The following KCND2 variants were observed in gnomAD, a reference collection of about 807,000 sequenced individuals.
The protein encoded by KCND2 is potassium voltage-gated channel subfamily D member 2, also known as A-type voltage-gated potassium channel KCND2.
Under a neutral mutation model 54.4 loss-of-function variants are expected in KCND2, and 16 were observed. The observed-to-expected ratio is 0.29, with a 90% CI of 0.20 to 0.45. The LOEUF is 0.45. Ranked by LOEUF, KCND2 falls within the 20% of genes least tolerant of loss-of-function variation. The pLI, the probability that KCND2 is intolerant of heterozygous loss-of-function variation, is 1.00. For missense variants in KCND2, 486 were observed against 824.2 expected (o/e 0.59, Z 5.02); for synonymous variants, 317 against 310.7 (o/e 1.02, Z -0.21).
At chr7:120,542,137 TC>T (rs1261322913) in intron 1 of KCND2, among the ~76,000 whole-genome samples, 2 of 152,172 alleles carry the variant, frequency 1.3e-5, no homozygotes, top group Non-Finnish European at 2.9e-5. Context: ...CAGGACTTTG[TC>T]CTCCAGTTTA....
intron 1 of KCND2, among the ~76,000 whole-genome samples, chr7:120,630,799 A>T (rs1484873003): frequency 6.6e-6 from 1 of 152,156 alleles, no homozygotes; most frequent in Non-Finnish European, 1.5e-5. Context: ...GAAGTTTTGC[A>T]TTTTCATTTG....
intron 1 of KCND2, among the ~76,000 whole-genome samples, chr7:120,292,317 T>C (rs1799447295): frequency 6.6e-6 from 1 of 151,916 alleles, no homozygotes; most frequent in Non-Finnish European, 1.5e-5. Context: ...GTCTTTGTCC[T>C]AACTGATATT....
chr7:120,499,284 G>A (rs954200511), intron 1 of KCND2, among the ~76,000 whole-genome samples: 5 of 152,064 alleles, frequency 3.3e-5, no homozygotes, highest in Admixed American at 2.6e-4. Flanking sequence ...AAATATATTT[G>A]TGGTTTTTTA....
At chr7:120,360,560 G>C (rs1800578493) in intron 1 of KCND2, among the ~76,000 whole-genome samples, 1 of 152,028 alleles carries the variant, frequency 6.6e-6, no homozygotes, top group South Asian at 2.1e-4. Flanking sequence ...CCAGTACTCT[G>C]TGGCTCTGTA....
chr7:120,409,205 T>C (rs1801411343), intron 1 of KCND2, among the ~76,000 whole-genome samples: 1 of 151,938 alleles, frequency 6.6e-6, no homozygotes, highest in Non-Finnish European at 1.5e-5. Context: ...TATAGCATCA[T>C]CCCTTTCTTG....
intron 1 of KCND2, among the ~76,000 whole-genome samples, chr7:120,292,954 T>C (rs374654043): frequency 1.6e-4 from 25 of 151,900 alleles, no homozygotes; most frequent in African/African-American, 4.6e-4. Context: ...AATCATGACC[T>C]ACCATGACAC....
intron 1 of KCND2, among the ~76,000 whole-genome samples, chr7:120,707,562 A>C (rs1317185762): frequency 6.6e-6 from 1 of 152,170 alleles, no homozygotes. Context: ...TAGTTGTAAT[A>C]TCTTACTTTG....
intron 1 of KCND2, among the ~76,000 whole-genome samples, chr7:120,532,828 A>T (rs1791858575): frequency 6.6e-6 from 1 of 152,034 alleles, no homozygotes; most frequent in East Asian, 1.9e-4. Flanking sequence ...AATAGTCATG[A>T]CAGAGGCAAA....
intron 1 of KCND2, among the ~76,000 whole-genome samples, chr7:120,699,171 A>G (rs1023559312): frequency 2.0e-5 from 3 of 151,964 alleles, no homozygotes; most frequent in African/African-American, 7.3e-5. Flanking sequence ...CGTCCCAGCT[A>G]CTTGGGAGGC....
rs531303551 is a variant in KCND2 at position 120,598,835 on chromosome 7, G to A, written c.1116-134068G>A. On this transcript the variant is annotated intron_variant, in intron 1 of 5. Transcript: ENST00000331113. ...TAATTCTTAATGAACATTTAGATAG[G>A]CAAATAATCCATCAGTTTTTATTAT... Among the ~76,000 whole-genome samples, 6 of 152,120 alleles carry A rather than the reference G, an allele frequency of 3.9e-5. No individual in the cohort carries two copies. The South Asian group carries it at 6.2e-4, about 16-fold the overall frequency.
intron 1 of KCND2, among the ~76,000 whole-genome samples, chr7:120,553,048 A>G: frequency 6.6e-6 from 1 of 152,226 alleles, no homozygotes; most frequent in East Asian, 1.9e-4. Context: ...ATTGGTGAAG[A>G]CACTTAAAAT....
intron 1 of KCND2, among the ~76,000 whole-genome samples, chr7:120,586,958 T>A (rs555553732): frequency 6.6e-6 from 1 of 152,276 alleles, no homozygotes; most frequent in South Asian, 2.1e-4. Context: ...ATTTTTGGAG[T>A]AGATTCAATA....
chr7:120,283,725 G>C (rs6466740), intron 1 of KCND2, among the ~76,000 whole-genome samples: 111,333 of 152,038 alleles, frequency 0.73, 43,786 homozygotes, highest in South Asian at 0.92. Context: ...GTTGTCAATT[G>C]TAATATTAGT....
At chr7:120,489,874 T>C (rs1584799243) in intron 1 of KCND2, among the ~76,000 whole-genome samples, 3 of 152,082 alleles carry the variant, frequency 2.0e-5, no homozygotes, top group African/African-American at 4.8e-5. Flanking sequence ...AATTCTAGCA[T>C]AAATAGAGAA....
At chr7:120,404,809 C>T (rs980569669) in intron 1 of KCND2, among the ~76,000 whole-genome samples, 6 of 152,126 alleles carry the variant, frequency 3.9e-5, no homozygotes, top group Non-Finnish European at 7.3e-5. Flanking sequence ...GCTCCTCCTC[C>T]TTCCTTCCCT....
At chr7:120,316,267 A>G (rs1423859374) in intron 1 of KCND2, among the ~76,000 whole-genome samples, 3 of 152,060 alleles carry the variant, frequency 2.0e-5, no homozygotes, top group African/African-American at 4.8e-5. Flanking sequence ...TAAAACTCCA[A>G]TTTTGCTTTG....
At chr7:120,332,548 A>G (rs1800083413) in intron 1 of KCND2, among the ~76,000 whole-genome samples, 1 of 152,122 alleles carries the variant, frequency 6.6e-6, no homozygotes, top group South Asian at 2.1e-4. Flanking sequence ...TTTAGTATAA[A>G]TGAATGGCTA....
intron 1 of KCND2, among the ~76,000 whole-genome samples, chr7:120,652,290 G>A (rs1337786087): frequency 1.3e-5 from 2 of 152,068 alleles, no homozygotes; most frequent in African/African-American, 4.8e-5. Context: ...TGGCCAGGAT[G>A]GTCTTGATCT....
intron 1 of KCND2, among the ~76,000 whole-genome samples, chr7:120,397,957 A>ATG (rs1417788993): frequency 2.1e-5 from 3 of 145,982 alleles, no homozygotes; most frequent in Non-Finnish European, 4.5e-5. Flanking sequence ...ACATAACTAT[A>ATG]TGTGTGTGTA....
Sources: gnomAD v4.1 joint callset for allele counts (sites outside exome capture counted in the v4.1 genomes callset) on GRCh38, gnomAD v4.1.1 for gene constraint, MANE v1.5 for transcripts, NCBI Gene and HGNC (gene_info 2026-07-23, HGNC 2026-07-21) for gene names.